Variants in NLRP4 observed in about 807,000 individuals in gnomAD.
The protein encoded by NLRP4 is NLR family pyrin domain containing 4.
NLRP4 carries 44 observed loss-of-function variants against 84.7 expected under a neutral mutation model. The observed-to-expected ratio is 0.52, with a 90% confidence interval of 0.41 to 0.67. The LOEUF is 0.67. NLRP4 is among the 30% of genes least tolerant of loss of function. The pLI is 0.00. For synonymous variants in NLRP4, 544 were observed against 476.4 expected (o/e 1.14, Z -1.85); for missense variants, 1,260 against 1,219.4 (o/e 1.03, Z -0.50).
Position 55,878,908 on chromosome 19 carries a change from G to A in NLRP4, c.2811G>A (p.Gly937=). 2 of 1,613,876 alleles carry A rather than the reference G, an allele frequency of 1.2e-6. No homozygotes were observed. The highest frequency in any genetic ancestry group is 1.3e-5 in the African/African-American group (1 of 75,044). The change falls in exon 9 of 10, where the codon GGG becomes GGA. Residue 937 remains glycine (G), a synonymous_variant. Coordinates refer to ENST00000301295, the MANE Select transcript of NLRP4 (RefSeq NM_134444.5). The part of the protein sequence containing the change: ...NLTLNTLDHT[G]VVVLCEALRH... ...CCTTGAACACCTTGGACCACACAGG[G>A]GTGGTTGTACTCTGTGAGGCCCTGA...
intron 7 of NLRP4, among the ~76,000 whole-genome samples, chr19:55,872,747 AAG>A (rs1190807570): frequency 6.6e-6 from 1 of 152,242 alleles, no homozygotes; most frequent in African/African-American, 2.4e-5. Context: ...GAATCGCGGA[AAG>A]AGAAAATATT....
chr19:55,842,005 C>T (rs1408857656), intron 1 of NLRP4, among the ~76,000 whole-genome samples: 2 of 152,154 alleles, frequency 1.3e-5, no homozygotes, highest in Admixed American at 6.5e-5. Flanking sequence ...TTTTAGAAAC[C>T]TCCATACTGT....
intron 9 of NLRP4, among the ~76,000 whole-genome samples, chr19:55,880,843 A>G (rs1985558270): frequency 1.3e-5 from 2 of 152,356 alleles, no homozygotes; most frequent in Non-Finnish European, 2.9e-5. Flanking sequence ...CATTGTCTTC[A>G]TCACAAGTCG....
chr19:55,861,281 C>T (rs927331885), intron 3 of NLRP4, 105 bp from the exon 4 acceptor site: 40 of 943,726 alleles, frequency 4.2e-5, no homozygotes, highest in Non-Finnish European at 5.9e-5. Context: ...GGAGGCTCTG[C>T]CTCAGACATC....
In NLRP4 at chr19:55,852,294, AC is replaced by A; in HGVS notation, c.216del (p.Leu73Ter). The A allele has an allele frequency of 6.2e-7, 1 of 1,607,026 alleles. No homozygotes were observed. Among genetic ancestry groups the A allele is most frequent in the Non-Finnish European group, 8.5e-7 (1 of 1,177,634 alleles). Reference protein sequence around the residue: ...HYEEQQAWNITLRIFQKMDRK... With the variant: ...HYEEQQAWNIXLRIFQKMDRK... Reference sequence around the variant, plus strand: ...TGAAGAACAACAAGCTTGGAACATAACCTTAAGAATCTTTCAAAAGATGGAT... The same window carrying A: ...TGAAGAACAACAAGCTTGGAACATAACTTAAGAATCTTTCAAAAGATGGAT... On this transcript the variant is annotated frameshift_variant, in exon 2 of 10. Transcript: ENST00000301295. LOFTEE classifies it high-confidence loss of function.
At position 55,857,691 on chromosome 19, in the gene NLRP4, C is replaced by G; in HGVS notation, c.298C>G (p.Gln100Glu). Residue 100 changes from glutamine (Q) to glutamate (E), a missense_variant, in exon 3 of 10, where the codon CAA becomes GAA. This residue lies in a region of NLRP4 where 712 missense variants were observed against 669.2 expected (regional missense o/e 1.06). Transcript: ENST00000301295. ...RERTGYTKTY[Q>E]AHAKQKFSRL... ...TGACTCAGGATACACAAAGACCTAT[C>G]AAGCTCACGCAAAGCAGAAATTCAG... 1 of 1,613,206 alleles carries G rather than the reference C, an allele frequency of 6.2e-7. No homozygotes were observed. Among genetic ancestry groups the G allele is most frequent in the South Asian group, 1.1e-5 (1 of 91,078 alleles).
In NLRP4 at chr19:55,852,119, G is replaced by T; in HGVS notation, c.39G>T (p.Trp13Cys). 1 of 1,603,318 alleles carries T rather than the reference G, an allele frequency of 6.2e-7. No homozygotes were observed. The highest frequency in any genetic ancestry group is 8.5e-7 in the Non-Finnish European group (1 of 1,176,936). Residue 13 changes from tryptophan (W) to cysteine (C), a missense_variant, in exon 2 of 10, where the codon TGG becomes TGT. Trp to Cys is a radical substitution (Grantham distance 215, BLOSUM62 -2). Coordinates refer to ENST00000301295, the MANE Select transcript of NLRP4 (RefSeq NM_134444.5). ...TCTTCTCTGATTTTGGTCTTATGTG[G>T]TATCTGGAGGAGCTCAAAAAGGAGG... ...ASFFSDFGLMWYLEELKKEEF... is the reference protein window; with the variant it reads ...ASFFSDFGLMCYLEELKKEEF...
intron 1 of NLRP4, among the ~76,000 whole-genome samples, chr19:55,848,111 C>G (rs1454754653): frequency 1.3e-5 from 2 of 152,144 alleles, no homozygotes; most frequent in Non-Finnish European, 2.9e-5. Flanking sequence ...GGACCACTCT[C>G]AGGATTTCCT....
At chr19:55,843,664 C>G (rs942948697) in intron 1 of NLRP4, among the ~76,000 whole-genome samples, 1 of 151,882 alleles carries the variant, frequency 6.6e-6, no homozygotes, top group African/African-American at 2.4e-5. Flanking sequence ...TGCACTCCAG[C>G]CTGGGCAACA....
rs904714739 is a variant in NLRP4 at position 55,878,904 on chromosome 19, CAG to C, written c.2808_2809del (p.Val938GlyfsTer5). 1 of 1,614,024 alleles carries C rather than the reference CAG, an allele frequency of 6.2e-7. No homozygotes were observed. Among genetic ancestry groups the C allele is most frequent in the Non-Finnish European group, 8.5e-7 (1 of 1,179,906 alleles). On this transcript the variant is annotated frameshift_variant, in exon 9 of 10. Coordinates refer to ENST00000301295, the MANE Select transcript of NLRP4 (RefSeq NM_134444.5). LOFTEE classifies it high-confidence loss of function. Reference sequence around the variant, plus strand: ...CTGACCTTGAACACCTTGGACCACACAGGGGTGGTTGTACTCTGTGAGGCCCT... The same window carrying C: ...CTGACCTTGAACACCTTGGACCACACGGGTGGTTGTACTCTGTGAGGCCCT...
At chr19:55,853,947 CTTTCTCTCTA>C (rs1049504182) in intron 2 of NLRP4, among the ~76,000 whole-genome samples, 2 of 148,890 alleles carry the variant, frequency 1.3e-5, no homozygotes, top group African/African-American at 5.0e-5. Flanking sequence ...CTCTTTCTGT[CTTTCTCTCTA>C]TTTCTCTCTT....
At chr19:55,841,588 T>C (rs1391081673) in intron 1 of NLRP4, among the ~76,000 whole-genome samples, 1 of 152,106 alleles carries the variant, frequency 6.6e-6, no homozygotes, top group Non-Finnish European at 1.5e-5. Context: ...GCAGGCCGGG[T>C]GCGGTGGCTC....
intron 7 of NLRP4, 90 bp from the exon 8 acceptor site, chr19:55,876,906 G>C: frequency 1.2e-5 from 13 of 1,072,212 alleles, no homozygotes; most frequent in Non-Finnish European, 1.8e-5. Flanking sequence ...CCACATGAAT[G>C]ACAAAGGCTG....
intron 6 of NLRP4, 79 bp from the exon 7 acceptor site, chr19:55,870,748 C>G (rs1985144050): frequency 2.0e-6 from 2 of 993,242 alleles, no homozygotes; most frequent in South Asian, 1.4e-5. Flanking sequence ...GAAATATTAC[C>G]CTGAATGTGA....
chr19:55,851,529 AC>A (rs5828657), intron 1 of NLRP4, among the ~76,000 whole-genome samples: 22,455 of 23,280 alleles, frequency 0.96, 10,969 homozygotes, highest in Middle Eastern at 1. Flanking sequence ...GGTGTAATTT[AC>A]CGAGGCTGCG....
chr19:55,859,622 A>G (rs1354839098), intron 3 of NLRP4, among the ~76,000 whole-genome samples: 2 of 152,024 alleles, frequency 1.3e-5, no homozygotes, highest in African/African-American at 4.8e-5. Flanking sequence ...TTACCTTTGA[A>G]AACTTAGTCT....
rs762148583 is a variant in NLRP4, at chr19:55,840,344, ATGTGTGTGTGTG to A, written c.-66+3432_-66+3443del. On this transcript the variant is annotated intron_variant, in intron 1 of 9. Coordinates refer to ENST00000301295, the MANE Select transcript of NLRP4 (RefSeq NM_134444.5). ...TGTGTATAGACATATGTGTATGTGT[ATGTGTGTGTGTG>A]TGTGTGTGTGTGTGTGTGTGTATAC... Among the ~76,000 whole-genome samples the A allele has an allele frequency of 5.8e-5, 7 of 119,716 alleles. No individual in the cohort carries two copies. The East Asian group carries it at 1.2e-3, about 21-fold the overall frequency. The allele number at this position is 119,716 out of a possible 152,430, so 78.5% of individuals were successfully genotyped here. A position where few individuals can be genotyped will look rare whatever the true frequency, so the allele number is the denominator to read the frequency against.
chr19:55,842,732 T>C (rs1214949772), intron 1 of NLRP4, among the ~76,000 whole-genome samples: 1 of 151,146 alleles, frequency 6.6e-6, no homozygotes. Flanking sequence ...TTGTCATTTA[T>C]CTGCAAATGT....
At chr19:55,881,098 A>T (rs922505598) in intron 9 of NLRP4, among the ~76,000 whole-genome samples, 25 of 151,228 alleles carry the variant, frequency 1.7e-4, no homozygotes, top group Middle Eastern at 7.0e-3. Context: ...ATGTCCAGTG[A>T]CATATTGGAG....
Sources: allele counts gnomAD v4.1 joint callset (sites outside exome capture counted in the v4.1 genomes callset), GRCh38; gene constraint gnomAD v4.1.1; regional missense constraint gnomAD v4.1.1; transcripts MANE v1.5; gene names NCBI Gene and HGNC (gene_info 2026-07-23, HGNC 2026-07-21).